Variants in PRKAA2 observed in about 807,000 individuals in gnomAD.
PRKAA2 encodes the protein protein kinase AMP-activated catalytic subunit alpha 2.
PRKAA2 carries 40 observed loss-of-function variants against 56.3 expected under a neutral mutation model. The ratio of observed to expected loss-of-function variants is 0.71; its 90% CI spans 0.55 to 0.92. PRKAA2 has a LOEUF of 0.92. PRKAA2 is among the 40% of genes least tolerant of loss of function. The pLI, the probability that PRKAA2 is intolerant of heterozygous loss-of-function variation, is 0.00. For missense variants in PRKAA2, 542 were observed against 686.9 expected (o/e 0.79, Z 2.36); for synonymous variants, 214 against 234.2 (o/e 0.91, Z 0.79).
At chr1:56,676,912 G>A (rs984993045) in intron 2 of PRKAA2, among the ~76,000 whole-genome samples, 2 of 152,126 alleles carry the variant, frequency 1.3e-5, no homozygotes, top group African/African-American at 4.8e-5. Flanking sequence ...AAGCTTCAAT[G>A]TCATATGATC....
At position 56,708,151 on chromosome 1, in the gene PRKAA2, A is replaced by G. The variant is rs1644345224; in HGVS notation, c.*438A>G. 6.2e-6 allele frequency: 1 copy of G among 160,354 alleles called. No individual in the cohort carries two copies. The highest frequency in any genetic ancestry group is 2.4e-5 in the African/African-American group (1 of 41,492). 9.9% of individuals were successfully genotyped at this position (160,354 alleles called of 1,614,324 possible). A position where few individuals can be genotyped will look rare whatever the true frequency, so the allele number is the denominator to read the frequency against. The stretch of plus-strand genomic sequence containing the variant: ...TATGCCCCCAATTTATTTTAACAAA[A>G]GAAGATTAAAAAGTAAAAGAACCAC... On this transcript the variant is annotated 3_prime_UTR_variant, in exon 9 of 9. Coordinates refer to ENST00000371244, the MANE Select transcript of PRKAA2 (RefSeq NM_006252.4).
At chr1:56,683,404 T>C (rs1426205047) in intron 2 of PRKAA2, among the ~76,000 whole-genome samples, 1 of 151,952 alleles carries the variant, frequency 6.6e-6, no homozygotes, top group Non-Finnish European at 1.5e-5. Context: ...AGAATGAAAG[T>C]GTGAGGAATA....
chr1:56,670,718 T>C (rs1166625262), intron 1 of PRKAA2, among the ~76,000 whole-genome samples: 2 of 152,220 alleles, frequency 1.3e-5, no homozygotes, highest in Admixed American at 1.3e-4. Context: ...AAATCGTTGT[T>C]CAACAGATGA....
At chr1:56,654,139 A>G (rs1643923856) in intron 1 of PRKAA2, among the ~76,000 whole-genome samples, 1 of 152,142 alleles carries the variant, frequency 6.6e-6, no homozygotes, top group South Asian at 2.1e-4. Context: ...TAACATATCC[A>G]TATAAATTAG....
At chr1:56,658,587 T>TTCC (rs1643965623) in intron 1 of PRKAA2, among the ~76,000 whole-genome samples, 1 of 130,170 alleles carries the variant, frequency 7.7e-6, no homozygotes, top group African/African-American at 3.0e-5. Context: ...TTTTTTTTCT[T>TTCC]CCCCCCCCCC....
At position 56,704,186 on chromosome 1, in the gene PRKAA2, A is replaced by G; in HGVS notation, c.1004A>G (p.Asn335Ser). ...HLIIDNRRIM[N>S]QASEFYLASS... Reference sequence around the variant, plus strand: ...ATCATTGACAATCGGAGAATAATGAACCAAGCCAGTGAGTTCTACCTCGCC... The same window carrying G: ...ATCATTGACAATCGGAGAATAATGAGCCAAGCCAGTGAGTTCTACCTCGCC... Residue 335 changes from asparagine to serine, a missense_variant, in exon 7 of 9, where the codon AAC becomes AGC. By Grantham distance (46) the Asn-to-Ser change is conservative. Transcript: ENST00000371244. 1 of 1,614,192 alleles carries G rather than the reference A, an allele frequency of 6.2e-7. No individual in the cohort carries two copies.
Position 56,709,745 on chromosome 1 carries a change from A to T in PRKAA2, c.*2032A>T, listed in dbSNP as rs1644357220. On this transcript the variant is annotated 3_prime_UTR_variant, in exon 9 of 9. Coordinates refer to ENST00000371244, the MANE Select transcript of PRKAA2 (RefSeq NM_006252.4). ...GCAGAGAAACAGAAGGAATCCAGTG[A>T]TGTTTTAGCTCCATTAGTCTAATAG... is the stretch of plus-strand genomic sequence containing the variant. The T allele has an allele frequency of 1.3e-5, 2 of 152,192 alleles. No individual in the cohort carries two copies. The highest frequency in any genetic ancestry group is 1.3e-4 in the Admixed American group (2 of 15,278). The allele number at this position is 152,192 out of a possible 1,614,324, so 9.4% of individuals were successfully genotyped here.
intron 1 of PRKAA2, chr1:56,671,379 A>G (rs565266978): frequency 3.9e-4 from 60 of 152,340 alleles, no homozygotes; most frequent in African/African-American, 1.4e-3. Context: ...TGGGTCTTAT[A>G]AAATTCCCAA....
rs149992709 is a variant in PRKAA2 at position 56,708,466 on chromosome 1, T to G, written c.*753T>G. On this transcript the variant is annotated 3_prime_UTR_variant, in exon 9 of 9. Transcript: ENST00000371244. ...AACAACTTTTGTCTTTTACATAAAC[T>G]TACGTCATTTAAAAAATGTCTTCAA... 6.6e-6 allele frequency: 1 copy of G among 152,336 alleles called. No individual in the cohort carries two copies. Among genetic ancestry groups the G allele is most frequent in the African/African-American group, 2.4e-5 (1 of 41,584 alleles). 9.4% of individuals were successfully genotyped at this position (152,336 alleles called of 1,614,324 possible).
chr1:56,708,670 C>T lies in PRKAA2; in HGVS notation c.*957C>T, dbSNP rs1557566546. 6.6e-6 allele frequency: 1 copy of T among 152,022 alleles called. No homozygotes were observed. The highest frequency in any genetic ancestry group is 6.5e-5 in the Admixed American group (1 of 15,268). 9.4% of individuals were successfully genotyped at this position (152,022 alleles called of 1,614,324 possible). On this transcript the variant is annotated 3_prime_UTR_variant, in exon 9 of 9. Coordinates refer to ENST00000371244, the MANE Select transcript of PRKAA2 (RefSeq NM_006252.4). Reference sequence around the variant, plus strand: ...CCTGGTGCAGCTCATAATGCTAATTCTTCATTGGAAGCCACTCCCTTCACC... The same window carrying T: ...CCTGGTGCAGCTCATAATGCTAATTTTTCATTGGAAGCCACTCCCTTCACC...
chr1:56,688,054 C>G lies in PRKAA2; in HGVS notation c.237-3340C>G, dbSNP rs150327170. 3.7e-3 allele frequency among the ~76,000 whole-genome samples: 570 copies of G among 152,226 alleles called. 6 individuals are homozygous for G. Among genetic ancestry groups the G allele is most frequent in the African/African-American group, 0.013 (539 of 41,558 alleles). ...ATTCATGATTGAATTTCTTGTAATG[C>G]TTCAATATACTTGTATTTTAGACAG... is the stretch of plus-strand genomic sequence containing the variant. On this transcript the variant is annotated intron_variant, in intron 2 of 8. Coordinates refer to ENST00000371244, the MANE Select transcript of PRKAA2 (RefSeq NM_006252.4).
At chr1:56,695,151 TA>T (rs947293557) in intron 5 of PRKAA2, among the ~76,000 whole-genome samples, 9 of 147,704 alleles carry the variant, frequency 6.1e-5, no homozygotes, top group Non-Finnish European at 8.9e-5. Context: ...TTTAATGTTT[TA>T]AATATCTCTC....
intron 1 of PRKAA2, among the ~76,000 whole-genome samples, chr1:56,646,231 A>G (rs1646641407): frequency 6.6e-6 from 1 of 152,152 alleles, no homozygotes; most frequent in Non-Finnish European, 1.5e-5. Context: ...TAACGCTGGA[A>G]TGCAGCTGGA....
chr1:56,690,112 CT>C lies in PRKAA2; in HGVS notation c.237-1281del, dbSNP rs1300981000. Among the ~76,000 whole-genome samples, 10 of 151,734 alleles carry C rather than the reference CT, an allele frequency of 6.6e-5. 1 individual carries two copies. Among genetic ancestry groups the C allele is most frequent in the Admixed American group, 6.6e-4 (10 of 15,232 alleles). ...ATCTGTAAACTCTTCAGTATCTACT[CT>C]AGAAAATACTTTTTTAAACTCTAAA... On this transcript the variant is annotated intron_variant, in intron 2 of 8. Transcript: ENST00000371244.
rs774991125 is a variant in PRKAA2, at chr1:56,704,479, G to A, written c.1293+4G>A. ...GCAGCTGGATTTTGAATGGAAGGTA[G>A]GAAATTATAATGTAATAAGATCATT... On this transcript the variant is annotated splice_donor_region_variant and intron_variant, in intron 7 of 8. Coordinates refer to ENST00000371244, the MANE Select transcript of PRKAA2 (RefSeq NM_006252.4). 1 of 1,581,998 alleles carries A rather than the reference G, an allele frequency of 6.3e-7. No homozygotes were observed. The highest frequency in any genetic ancestry group is 8.6e-7 in the Non-Finnish European group (1 of 1,169,426).
intron 6 of PRKAA2, among the ~76,000 whole-genome samples, chr1:56,699,862 G>A (rs1009759277): frequency 6.6e-6 from 1 of 152,158 alleles, no homozygotes; most frequent in African/African-American, 2.4e-5. Context: ...GTGGTCTTTT[G>A]TATCTGGCAT....
intron 2 of PRKAA2, among the ~76,000 whole-genome samples, chr1:56,680,376 T>C (rs1185541182): frequency 6.6e-6 from 1 of 152,172 alleles, no homozygotes; most frequent in Non-Finnish European, 1.5e-5. Context: ...TTTTTTATTA[T>C]ACTTTAAGTT....
Position 56,708,110 on chromosome 1 carries a change from G to C in PRKAA2, c.*397G>C, listed in dbSNP as rs1431079941. 1 of 177,536 alleles carries C rather than the reference G, an allele frequency of 5.6e-6. No homozygotes were observed. Among genetic ancestry groups the C allele is most frequent in the African/African-American group, 2.4e-5 (1 of 41,944 alleles). The allele number at this position is 177,536 out of a possible 1,614,324, so 11.0% of individuals were successfully genotyped here. Reference sequence around the variant, plus strand: ...CTAGTTTACTTCCTAAATTTCAGTAGGCTTTATGCTGTGTTTATGCCCCCA... The same window carrying C: ...CTAGTTTACTTCCTAAATTTCAGTACGCTTTATGCTGTGTTTATGCCCCCA... On this transcript the variant is annotated 3_prime_UTR_variant, in exon 9 of 9. Transcript: ENST00000371244.
At position 56,695,292 on chromosome 1, in the gene PRKAA2, G is replaced by C. The variant is rs1248504637; in HGVS notation, c.564-643G>C. ...CTCACTGTACCACCTCCTGGGCTCAGATGATCCTCCCACCTCAGCCTTCTG... is the reference window on the plus strand; with the variant it reads ...CTCACTGTACCACCTCCTGGGCTCACATGATCCTCCCACCTCAGCCTTCTG... On this transcript the variant is annotated intron_variant, in intron 5 of 8. Coordinates refer to ENST00000371244, the MANE Select transcript of PRKAA2 (RefSeq NM_006252.4). Among the ~76,000 whole-genome samples, 5 of 151,498 alleles carry C rather than the reference G, an allele frequency of 3.3e-5. No homozygotes were observed. In the East Asian group the frequency reaches 9.7e-4, roughly 29 times the overall value.
Sources: gnomAD v4.1 joint callset for allele counts (sites outside exome capture counted in the v4.1 genomes callset) on GRCh38, gnomAD v4.1.1 for gene constraint, MANE v1.5 for transcripts, NCBI Gene and HGNC (gene_info 2026-07-23, HGNC 2026-07-21) for gene names.